The following GPHN variants were observed in gnomAD, a reference collection of about 807,000 sequenced individuals.
GPHN encodes the protein gephyrin.
In GPHN, 17 loss-of-function variants were observed where a neutral mutation model predicts 95.5. The observed-to-expected ratio is 0.18, with a 90% CI of 0.12 to 0.27. GPHN has a LOEUF of 0.27. GPHN is among the 10% of genes least tolerant of loss of function. The pLI, the probability that GPHN is intolerant of heterozygous loss-of-function variation, is 1.00. For missense variants in GPHN, 660 were observed against 978.1 expected (o/e 0.67, Z 4.34); for synonymous variants, 320 against 322.5 (o/e 0.99, Z 0.08).
the GPHN span, chr14:67,345,784 T>G: frequency 6.2e-7 from 1 of 1,613,590 alleles, no homozygotes; most frequent in Admixed American, 1.7e-5. Flanking sequence ...AGAAGCTAGT[T>G]CCACCAGTAG....
At chr14:67,658,044 C>T in the GPHN span, among the ~76,000 whole-genome samples, 9 of 152,114 alleles carry the variant, frequency 5.9e-5, no homozygotes, top group East Asian at 1.9e-4. Context: ...CCACTGTGCC[C>T]GGCGCTCTGT....
At chr14:66,844,322 T>A (rs111384063) in intron 4 of GPHN, among the ~76,000 whole-genome samples, 79 of 152,284 alleles carry the variant, frequency 5.2e-4, no homozygotes, top group African/African-American at 1.6e-3. Flanking sequence ...ACTTGCAACA[T>A]AACATTATCT....
the GPHN span, among the ~76,000 whole-genome samples, chr14:67,478,341 C>A: frequency 6.6e-6 from 1 of 152,224 alleles, no homozygotes; most frequent in Non-Finnish European, 1.5e-5. Flanking sequence ...CTAACTCCCA[C>A]CCTTACCACC....
At chr14:67,735,300 C>T in the GPHN span, 4 of 853,860 alleles carry the variant, frequency 4.7e-6, no homozygotes, top group Non-Finnish European at 8.2e-6. Flanking sequence ...TACATCTCAC[C>T]TCTCTGTAGT....
At chr14:67,325,728 T>C in the GPHN span, among the ~76,000 whole-genome samples, 1 of 152,142 alleles carries the variant, frequency 6.6e-6, no homozygotes, top group Admixed American at 6.5e-5. Flanking sequence ...TTATTTCTTT[T>C]TAGGCTATCT....
chr14:67,199,127 G>A, the GPHN span: 1 of 1,410,862 alleles, frequency 7.1e-7, no homozygotes, highest in Non-Finnish European at 1.0e-6. Flanking sequence ...GCCTGAATGA[G>A]AAGGTTAGTG....
chr14:67,273,765 C>T, the GPHN span, among the ~76,000 whole-genome samples: 8 of 152,170 alleles, frequency 5.3e-5, no homozygotes, highest in South Asian at 4.1e-4. Context: ...CCTGTTTCTC[C>T]ACATCCTCTC....
chr14:66,928,182 CTT>C (rs994132405), intron 8 of GPHN, among the ~76,000 whole-genome samples: 5 of 152,038 alleles, frequency 3.3e-5, no homozygotes, highest in African/African-American at 1.2e-4. Context: ...TGCTGGGAGA[CTT>C]TTTATTATGG....
chr14:67,556,977 T>C, the GPHN span, among the ~76,000 whole-genome samples: 1 of 152,230 alleles, frequency 6.6e-6, no homozygotes, highest in Non-Finnish European at 1.5e-5. Flanking sequence ...CAGAGGTCAA[T>C]GGCACAAGAC....
At chr14:67,359,980 C>A in the GPHN span, 1 of 536,428 alleles carries the variant, frequency 1.9e-6, no homozygotes, top group South Asian at 2.5e-5. Context: ...CCCTCCCCAT[C>A]CAGCTTCCCT....
chr14:67,312,404 G>A, the GPHN span: 2 of 622,364 alleles, frequency 3.2e-6, no homozygotes, highest in Non-Finnish European at 5.0e-6. Flanking sequence ...ATACTGAGAT[G>A]CTGTCTCTAT....
chr14:67,633,267 C>A, the GPHN span, among the ~76,000 whole-genome samples: 1 of 151,992 alleles, frequency 6.6e-6, no homozygotes, highest in East Asian at 1.9e-4. Flanking sequence ...TGTAGGTTCT[C>A]TCTTTTTTTT....
intron 17 of GPHN, among the ~76,000 whole-genome samples, chr14:67,132,980 C>A (rs1014893000): frequency 1.3e-5 from 2 of 151,872 alleles, no homozygotes; most frequent in Non-Finnish European, 2.9e-5. Flanking sequence ...GTTTTCTGCA[C>A]TAGCTTATAA....
intron 9 of GPHN, among the ~76,000 whole-genome samples, chr14:66,982,753 C>T (rs745775607): frequency 6.6e-6 from 1 of 152,244 alleles, no homozygotes; most frequent in Non-Finnish European, 1.5e-5. Flanking sequence ...AATTCTCAGA[C>T]TTTGTTTATA....
chr14:67,382,929 T>TG, the GPHN span, among the ~76,000 whole-genome samples: 4 of 148,300 alleles, frequency 2.7e-5, no homozygotes, highest in South Asian at 6.5e-4. Context: ...GTGTGTGTGT[T>TG]ATGGTTCCTT....
the GPHN span, among the ~76,000 whole-genome samples, chr14:67,287,612 A>G: frequency 6.6e-6 from 1 of 152,374 alleles, no homozygotes; most frequent in East Asian, 1.9e-4. Context: ...TAGGGGTATG[A>G]ATTGGTACAA....
the GPHN span, among the ~76,000 whole-genome samples, chr14:67,451,948 G>T: frequency 1.1e-4 from 16 of 152,302 alleles, 1 homozygote; most frequent in East Asian, 3.1e-3. Context: ...GGAGGAACCT[G>T]GTGAGAGATG....
At chr14:66,964,444 A>T (rs977611642) in intron 8 of GPHN, among the ~76,000 whole-genome samples, 1 of 152,210 alleles carries the variant, frequency 6.6e-6, no homozygotes, top group Non-Finnish European at 1.5e-5. Context: ...GGAGAGTTCA[A>T]TAAGAACCTA....
At chr14:67,406,776 T>A in the GPHN span, among the ~76,000 whole-genome samples, 6 of 152,126 alleles carry the variant, frequency 3.9e-5, no homozygotes, top group Non-Finnish European at 5.9e-5. Context: ...GCTCTACAGA[T>A]AAACCACACC....
Sources: allele counts gnomAD v4.1 joint callset (sites outside exome capture counted in the v4.1 genomes callset), GRCh38; gene constraint gnomAD v4.1.1; transcripts MANE v1.5; gene names NCBI Gene and HGNC (gene_info 2026-07-23, HGNC 2026-07-21).